PACS1: variants seen among roughly 807,000 people sequenced by gnomAD.
PACS1 encodes the protein phosphofurin acidic cluster sorting protein 1.
Under a neutral mutation model 115.0 loss-of-function variants are expected in PACS1, and 24 were observed. The observed-to-expected ratio is 0.21, with a 90% CI of 0.15 to 0.29. PACS1 has a LOEUF of 0.29. Ranked by LOEUF, PACS1 falls within the 10% of genes least tolerant of loss-of-function variation. The pLI is 1.00. For synonymous variants in PACS1, 453 were observed against 504.5 expected, an observed-to-expected ratio of 0.90 and a Z score of 1.37; for missense variants, 838 against 1,251.2, an observed-to-expected ratio of 0.67 and a Z score of 4.98.
chr11:66,211,774 G>C (rs760456966), intron 4 of PACS1, among the ~76,000 whole-genome samples: 1 of 152,140 alleles, frequency 6.6e-6, no homozygotes, highest in African/African-American at 2.4e-5. Context: ...TAAGATTGCC[G>C]TCTAACCCAC....
chr11:66,152,294 C>T (rs1228098726), intron 1 of PACS1, among the ~76,000 whole-genome samples: 1 of 152,060 alleles, frequency 6.6e-6, no homozygotes, highest in Non-Finnish European at 1.5e-5. Flanking sequence ...AGAATCTGTG[C>T]CGTTGAAGAT....
At chr11:66,135,212 C>G (rs1858815188) in intron 1 of PACS1, among the ~76,000 whole-genome samples, 1 of 151,880 alleles carries the variant, frequency 6.6e-6, no homozygotes, top group African/African-American at 2.4e-5. Context: ...AAAAAAAAAT[C>G]TTATTTCTTC....
At chr11:66,200,961 C>T (rs1854777504) in intron 2 of PACS1, among the ~76,000 whole-genome samples, 1 of 151,960 alleles carries the variant, frequency 6.6e-6, no homozygotes, top group Non-Finnish European at 1.5e-5. Flanking sequence ...TGACTCACGC[C>T]TGTAATCCCA....
chr11:66,158,071 ATCT>A (rs757789195), intron 1 of PACS1, among the ~76,000 whole-genome samples: 7 of 152,188 alleles, frequency 4.6e-5, no homozygotes, highest in Non-Finnish European at 8.8e-5. Flanking sequence ...GACTCAAGTG[ATCT>A]TCTCACCTCA....
At chr11:66,187,275 G>A (rs1411935418) in intron 1 of PACS1, among the ~76,000 whole-genome samples, 2 of 152,116 alleles carry the variant, frequency 1.3e-5, no homozygotes, top group East Asian at 3.9e-4. Flanking sequence ...AGAACAGGGG[G>A]ATTAGCATAC....
intron 1 of PACS1, among the ~76,000 whole-genome samples, chr11:66,150,525 A>G (rs537741507): frequency 6.6e-6 from 1 of 152,304 alleles, no homozygotes; most frequent in East Asian, 1.9e-4. Context: ...TGACTTTATC[A>G]CATGCAACAT....
chr11:66,231,853 C>T, intron 13 of PACS1: 1 of 287,198 alleles, frequency 3.5e-6, no homozygotes, highest in Non-Finnish European at 6.7e-6. Context: ...TCTTACGCTG[C>T]TGCCCCTCCT....
At chr11:66,156,114 T>C (rs1461949816) in intron 1 of PACS1, among the ~76,000 whole-genome samples, 2 of 151,162 alleles carry the variant, frequency 1.3e-5, no homozygotes, top group Non-Finnish European at 2.9e-5. Flanking sequence ...AGTGTCTTTA[T>C]TGTGGGGGTG....
At chr11:66,093,809 C>G (rs1857717914) in intron 1 of PACS1, among the ~76,000 whole-genome samples, 1 of 152,034 alleles carries the variant, frequency 6.6e-6, no homozygotes. Context: ...AAGCTCTCCT[C>G]AGCAAATGTA....
intron 1 of PACS1, among the ~76,000 whole-genome samples, chr11:66,093,678 C>G (rs1398755329): frequency 1.4e-4 from 21 of 146,398 alleles, no homozygotes; most frequent in South Asian, 2.2e-4. Flanking sequence ...ATTGAACTCA[C>G]CTCTGCACCA....
At chr11:66,137,569 C>T (rs769564140) in intron 1 of PACS1, among the ~76,000 whole-genome samples, 8 of 152,198 alleles carry the variant, frequency 5.3e-5, no homozygotes, top group Non-Finnish European at 8.8e-5. Flanking sequence ...GGCATCCAGC[C>T]GGTCAGGATG....
chr11:66,129,474 T>TATTATTATG (rs1347028761), intron 1 of PACS1, among the ~76,000 whole-genome samples: 8 of 148,386 alleles, frequency 5.4e-5, no homozygotes, highest in Non-Finnish European at 1.2e-4. Flanking sequence ...TTATTATTAT[T>TATTATTATG]ATTATTATTA....
chr11:66,146,146 C>CA (rs894857830), intron 1 of PACS1, among the ~76,000 whole-genome samples: 32 of 150,366 alleles, frequency 2.1e-4, no homozygotes, highest in African/African-American at 4.4e-4. Flanking sequence ...ACTAATGGGA[C>CA]AAAAAAAACA....
At chr11:66,090,162 A>G (rs1293049188) in intron 1 of PACS1, among the ~76,000 whole-genome samples, 1 of 151,674 alleles carries the variant, frequency 6.6e-6, no homozygotes, top group Non-Finnish European at 1.5e-5. Context: ...CACTTTAGCC[A>G]TAACTTACAG....
At position 66,243,446 on chromosome 11, in the gene PACS1, C is replaced by T. The variant is rs139606357; in HGVS notation, c.*166C>T. The T allele has an allele frequency of 0.013, 7,994 of 602,878 alleles. 98 individuals carry two copies. The highest frequency in any genetic ancestry group is 0.022 in the South Asian group (1,155 of 52,616). 37.3% of individuals were successfully genotyped at this position (602,878 alleles called of 1,614,324 possible). A position where few individuals can be genotyped will look rare whatever the true frequency, so the allele number is the denominator to read the frequency against. The stretch of plus-strand genomic sequence containing the variant: ...ACACTGCCACAGGGACGCCTTCCCT[C>T]CCCTCCCCTCCAGCCCACCCCTGCA... On this transcript the variant is annotated 3_prime_UTR_variant, in exon 24 of 24. Coordinates refer to ENST00000320580, the MANE Select transcript of PACS1 (RefSeq NM_018026.4).
intron 4 of PACS1, among the ~76,000 whole-genome samples, chr11:66,215,341 G>A (rs530729773): frequency 3.7e-4 from 56 of 149,374 alleles, no homozygotes; most frequent in African/African-American, 1.3e-3. Flanking sequence ...AGTGGCTCAC[G>A]CCTGTAATCC....
chr11:66,206,818 C>T (rs1478309520), intron 2 of PACS1, among the ~76,000 whole-genome samples: 1 of 152,166 alleles, frequency 6.6e-6, no homozygotes, highest in Admixed American at 6.5e-5. Context: ...GAAGAGCCTT[C>T]CAGGCAGAGG....
chr11:66,200,043 C>CA (rs1198972210), intron 2 of PACS1, among the ~76,000 whole-genome samples: 31 of 110,756 alleles, frequency 2.8e-4, no homozygotes, highest in African/African-American at 5.8e-4. Context: ...AAAAACAAAA[C>CA]AAAACAAAAA....
chr11:66,154,487 G>A (rs1226643198), intron 1 of PACS1, among the ~76,000 whole-genome samples: 1 of 152,174 alleles, frequency 6.6e-6, no homozygotes, highest in East Asian at 1.9e-4. Context: ...TGAGTTTAGC[G>A]AGATACAGTA....
Sources: allele counts gnomAD v4.1 joint callset (sites outside exome capture counted in the v4.1 genomes callset), GRCh38; gene constraint gnomAD v4.1.1; transcripts MANE v1.5; gene names NCBI Gene and HGNC (gene_info 2026-07-23, HGNC 2026-07-21).